OR8J1: variants seen among roughly 807,000 people sequenced by gnomAD.
The protein encoded by OR8J1 is olfactory receptor family 8 subfamily J member 1, also known as olfactory receptor 8J1.
For missense variants in OR8J1, 400 were observed against 373.0 expected, an observed-to-expected ratio of 1.07 and a Z score of -0.60; for synonymous variants, 157 against 144.3, an observed-to-expected ratio of 1.09 and a Z score of -0.63.
Position 56,360,594 on chromosome 11 carries a change from T to G in OR8J1, c.348T>G (p.Ala116=). 1 of 1,614,002 alleles carries G rather than the reference T, an allele frequency of 6.2e-7. No individual in the cohort carries two copies. The highest frequency in any genetic ancestry group is 8.5e-7 in the Non-Finnish European group (1 of 1,179,946). ...TTGTATCGGAGGTAATCATGCTGGC[T>G]TTGATGGCCTATGACCGCTATGTGG... ...FFIVSEVIML[A]LMAYDRYVAI... is the part of the protein sequence containing the mutation. Residue 116 remains alanine (A), a synonymous_variant, in exon 2 of 2, where the codon GCT becomes GCG. Coordinates refer to ENST00000533152, the MANE Select transcript of OR8J1 (RefSeq NM_001005205.3).
intron 1 of OR8J1, 85 bp from the exon 2 acceptor site, chr11:56,360,142 G>T: frequency 1.2e-6 from 1 of 838,360 alleles, no homozygotes; most frequent in Non-Finnish European, 1.8e-6. Context: ...TCAAAGAAAT[G>T]TTATCAGGGA....
At position 56,360,862 on chromosome 11, in the gene OR8J1, A is replaced by G. The variant is rs895307771; in HGVS notation, c.616A>G (p.Asn206Asp). 1.4e-5 allele frequency: 21 copies of G among 1,508,686 alleles called. No individual in the cohort carries two copies. The highest frequency in any genetic ancestry group is 1.8e-5 in the Non-Finnish European group (20 of 1,134,116). The allele number at this position is 1,508,686 out of a possible 1,614,324, so 93.5% of individuals were successfully genotyped here. Residue 206 changes from asparagine (N) to aspartate (D), a missense_variant, in exon 2 of 2, where the codon AAT (asparagine) becomes GAT (aspartate). Transcript: ENST00000533152. ...AGTTGTCTTTATATCTGCAGCAACA[A>G]ATGTGGTTGGTTCCTTGATTATAGT... ...ETVVFISAAT[N>D]VVGSLIIVLV...
At chr11:56,357,574 CA>C in intron 1 of OR8J1, 3 of 1,042,476 alleles carry the variant, frequency 2.9e-6, no homozygotes, top group Non-Finnish European at 4.5e-6. Flanking sequence ...CACGAACTGC[CA>C]AAATATGGTG....
At chr11:56,358,382 C>T (rs982421052) in intron 1 of OR8J1, among the ~76,000 whole-genome samples, 2 of 152,076 alleles carry the variant, frequency 1.3e-5, no homozygotes, top group African/African-American at 2.4e-5. Flanking sequence ...CCCCCTACCC[C>T]CTCAAAAACT....
Position 56,360,295 on chromosome 11 carries a change from G to A in OR8J1, c.49G>A (p.Val17Ile), listed in dbSNP as rs1399291167. 4 of 1,604,852 alleles carry A rather than the reference G, an allele frequency of 2.5e-6. No individual in the cohort carries two copies. The highest frequency in any genetic ancestry group is 1.1e-5 in the South Asian group (1 of 89,446). The change falls in exon 2 of 2, where the codon GTC becomes ATC. Residue 17 changes from valine (V) to isoleucine (I), a missense_variant. Coordinates refer to ENST00000533152, the MANE Select transcript of OR8J1 (RefSeq NM_001005205.3). ...AGTCACTGAGTTTATTCTTACAGGT[G>A]TCTCTAGCTGTCCAGAGCTCCAGAT... is the stretch of plus-strand genomic sequence containing the variant. ...TRVTEFILTG[V>I]SSCPELQIPL...
In OR8J1 at chr11:56,357,547, T is replaced by C. The variant is rs1590856641; in HGVS notation, c.-20-2680T>C. The C allele has an allele frequency of 2.3e-5, 20 of 871,616 alleles. No homozygotes were observed. In the East Asian group the frequency reaches 4.8e-4, roughly 21 times the overall value. The allele number at this position is 871,616 out of a possible 1,614,324, so 54.0% of individuals were successfully genotyped here. ...GGCTGTATAGAGGGGAATGTGATAG[T>C]CCGCGCGGCACATGCACACGAACTG... On this transcript the variant is annotated intron_variant, in intron 1 of 1. Coordinates refer to ENST00000533152, the MANE Select transcript of OR8J1 (RefSeq NM_001005205.3).
At chr11:56,360,004 T>A (rs1308104782) in intron 1 of OR8J1, among the ~76,000 whole-genome samples, 4 of 152,342 alleles carry the variant, frequency 2.6e-5, no homozygotes, top group African/African-American at 9.6e-5. Flanking sequence ...TGTTTCATGA[T>A]GCTGGATCAT....
At chr11:56,357,550 G>T (rs555027786) in intron 1 of OR8J1, 8 of 878,288 alleles carry the variant, frequency 9.1e-6, no homozygotes, top group Non-Finnish European at 1.5e-5. Flanking sequence ...GTGATAGTCC[G>T]CGCGGCACAT....
intron 1 of OR8J1, among the ~76,000 whole-genome samples, chr11:56,359,068 T>G (rs1387470847): frequency 6.6e-6 from 1 of 152,128 alleles, no homozygotes; most frequent in Admixed American, 6.5e-5. Flanking sequence ...TCAGGCATTT[T>G]AAATGATATA....
chr11:56,355,279 A>T (rs1387336219), intron 1 of OR8J1, among the ~76,000 whole-genome samples: 1 of 151,508 alleles, frequency 6.6e-6, no homozygotes, highest in Non-Finnish European at 1.5e-5. Flanking sequence ...ATATATATAT[A>T]TATTTAAATT....
rs140351903 is a variant in OR8J1 at position 56,361,099 on chromosome 11, A to T, written c.853A>T (p.Met285Leu). Residue 285 changes from methionine to leucine, a missense_variant, in exon 2 of 2, where the codon ATG (methionine) becomes TTG (leucine). By Grantham distance (15) the Met-to-Leu change is conservative. Transcript: ENST00000533152. The part of the protein sequence containing the change: ...ASVFYTLVIP[M>L]LNPLIYSLRN... The stretch of plus-strand genomic sequence containing the variant: ...TGTGTTTTACACGTTGGTAATTCCT[A>T]TGCTGAATCCCTTGATCTACAGCCT... 17,577 of 1,512,976 alleles carry T rather than the reference A, an allele frequency of 0.012. 136 individuals are homozygous for T. Among genetic ancestry groups the T allele is most frequent in the Non-Finnish European group, 0.012 (14,231 of 1,138,642 alleles). 93.7% of individuals were successfully genotyped at this position (1,512,976 alleles called of 1,614,324 possible).
chr11:56,360,252 T>A lies in OR8J1; in HGVS notation c.6T>A (p.Ala2=). Reference sequence around the variant, plus strand: ...ATGAATTTCCAAACTCTGACATGGCTCCTGAAAATTTCACCAGAGTCACTG... The same window carrying A: ...ATGAATTTCCAAACTCTGACATGGCACCTGAAAATTTCACCAGAGTCACTG... The part of the protein sequence containing the change: M[A]PENFTRVTEF... The change falls in exon 2 of 2, where the codon GCT becomes GCA. Residue 2 remains alanine, a synonymous_variant. Transcript: ENST00000533152. 1 of 1,563,420 alleles carries A rather than the reference T, an allele frequency of 6.4e-7. No homozygotes were observed. Among genetic ancestry groups the A allele is most frequent in the Non-Finnish European group, 8.6e-7 (1 of 1,160,114 alleles).
Position 56,361,012 on chromosome 11 carries a change from C to G in OR8J1, c.766C>G (p.Leu256Val), listed in dbSNP as rs772567105. 6.7e-7 allele frequency: 1 copy of G among 1,495,666 alleles called. No homozygotes were observed. Among genetic ancestry groups the G allele is most frequent in the Non-Finnish European group, 8.9e-7 (1 of 1,128,854 alleles). The allele number at this position is 1,495,666 out of a possible 1,614,324, so 92.6% of individuals were successfully genotyped here. ...AGTCACAATTTTTTATGGGACATTGCTATTCATGTATGTGCAGCCCCGAAG... is the reference window on the plus strand; with the variant it reads ...AGTCACAATTTTTTATGGGACATTGGTATTCATGTATGTGCAGCCCCGAAG... ...MAVTIFYGTL[L>V]FMYVQPRSNH... is the part of the protein sequence containing the mutation. The change falls in exon 2 of 2, where the codon CTA (leucine) becomes GTA (valine). Residue 256 changes from leucine to valine, a missense_variant. Leu to Val is a conservative substitution (Grantham distance 32). Transcript: ENST00000533152.
intron 1 of OR8J1, chr11:56,357,744 G>T: frequency 6.5e-7 from 1 of 1,550,314 alleles, no homozygotes; most frequent in South Asian, 1.1e-5. Flanking sequence ...TCAGCCAGGT[G>T]CCTTTACCTG....
intron 1 of OR8J1, among the ~76,000 whole-genome samples, chr11:56,356,707 A>C (rs189650627): frequency 9.1e-4 from 138 of 152,322 alleles, no homozygotes; most frequent in African/African-American, 3.2e-3. Context: ...TTTTTATAAA[A>C]TCTTGACATA....
chr11:56,356,693 T>A (rs562856959), intron 1 of OR8J1, among the ~76,000 whole-genome samples: 1 of 152,210 alleles, frequency 6.6e-6, no homozygotes, highest in Non-Finnish European at 1.5e-5. Context: ...ATTTTGATTA[T>A]AAATTTTTAT....
chr11:56,357,664 G>C, intron 1 of OR8J1: 1 of 1,565,246 alleles, frequency 6.4e-7, no homozygotes, highest in South Asian at 1.1e-5. Context: ...AATAGGTTTG[G>C]CATGGACAAG....
intron 1 of OR8J1, chr11:56,358,067 T>C (rs1488555427): frequency 1.4e-5 from 8 of 582,896 alleles, no homozygotes; most frequent in South Asian, 2.1e-5. Flanking sequence ...CATGCTGCTA[T>C]AGGAGAAAAT....
At chr11:56,357,858 C>T in intron 1 of OR8J1, 6 of 919,180 alleles carry the variant, frequency 6.5e-6, no homozygotes, top group Non-Finnish European at 1.1e-5. Flanking sequence ...CAGTACCAAA[C>T]AATTCCCTGA....
Sources: gnomAD v4.1 joint callset for allele counts (sites outside exome capture counted in the v4.1 genomes callset) on GRCh38, gnomAD v4.1.1 for gene constraint, MANE v1.5 for transcripts, NCBI Gene and HGNC (gene_info 2026-07-23, HGNC 2026-07-21) for gene names.